TPRG1: variants seen among roughly 807,000 people sequenced by gnomAD.
The protein encoded by TPRG1 is tumor protein p63 regulated 1.
A neutral mutation model predicts 29.3 loss-of-function variants in TPRG1; 29 were observed. The ratio of observed to expected loss-of-function variants is 0.99; its 90% CI spans 0.74 to 1.35. The LOEUF (loss-of-function observed/expected upper bound fraction) is 1.35. TPRG1 is among the 40% of genes most tolerant of loss of function. The pLI is 0.00. For missense variants in TPRG1, 327 were observed against 335.0 expected (o/e 0.98, Z 0.19); for synonymous variants, 130 against 116.8 (o/e 1.11, Z -0.73).
At chr3:189,031,565 G>A (rs778560714) in intron 4 of TPRG1, among the ~76,000 whole-genome samples, 2 of 152,076 alleles carry the variant, frequency 1.3e-5, no homozygotes, top group Non-Finnish European at 2.9e-5. Context: ...TTCTCTTTCT[G>A]TTGTGGCTAT....
intron 4 of TPRG1, among the ~76,000 whole-genome samples, chr3:189,055,412 G>A (rs969484411): frequency 6.6e-6 from 1 of 152,150 alleles, no homozygotes; most frequent in East Asian, 1.9e-4. Flanking sequence ...GTCAGAGTAC[G>A]CTATCAACCA....
At chr3:189,044,655 C>T (rs1241472681) in intron 4 of TPRG1, among the ~76,000 whole-genome samples, 1 of 151,852 alleles carries the variant, frequency 6.6e-6, no homozygotes, top group Non-Finnish European at 1.5e-5. Flanking sequence ...TTAAGAAGAG[C>T]ATAAGCAAGG....
At chr3:189,115,307 G>A (rs571554487) in intron 1 of TPRG1, among the ~76,000 whole-genome samples, 5 of 152,184 alleles carry the variant, frequency 3.3e-5, no homozygotes, top group East Asian at 1.9e-4. Context: ...ACATATTGGC[G>A]CATGGACTGG....
At chr3:189,292,387 ACAGTAC>A (rs1719167391) in intron 4 of TPRG1, among the ~76,000 whole-genome samples, 1 of 151,668 alleles carries the variant, frequency 6.6e-6, no homozygotes, top group South Asian at 2.1e-4. Context: ...TAGGTTATCA[ACAGTAC>A]CACCCTTTGG....
intron 1 of TPRG1, among the ~76,000 whole-genome samples, chr3:189,193,432 C>T (rs534144610): frequency 6.6e-6 from 1 of 151,872 alleles, no homozygotes; most frequent in Non-Finnish European, 1.5e-5. Flanking sequence ...TTTTTGCTTC[C>T]CAGATTTAAA....
intron 4 of TPRG1, among the ~76,000 whole-genome samples, chr3:189,266,595 A>G (rs776537902): frequency 1.3e-5 from 2 of 152,150 alleles, no homozygotes; most frequent in African/African-American, 2.4e-5. Flanking sequence ...CACATGTGAA[A>G]ATGCTCATAG....
intron 4 of TPRG1, among the ~76,000 whole-genome samples, chr3:189,082,580 G>A (rs1020166986): frequency 6.6e-6 from 1 of 152,142 alleles, no homozygotes; most frequent in Non-Finnish European, 1.5e-5. Flanking sequence ...CCAAGTCCAA[G>A]TCAAGATTTG....
chr3:189,228,455 C>G (rs538553657), intron 3 of TPRG1, among the ~76,000 whole-genome samples: 1 of 152,124 alleles, frequency 6.6e-6, no homozygotes, highest in East Asian at 1.9e-4. Context: ...TCTAGGCATG[C>G]AAGGCAGGTT....
chr3:189,134,084 G>A (rs2108541822), intron 3 of TPRG1, among the ~76,000 whole-genome samples: 1 of 152,196 alleles, frequency 6.6e-6, no homozygotes, highest in Middle Eastern at 3.4e-3. Context: ...CCATTGTATG[G>A]TTTGTTTCCA....
At chr3:189,151,051 G>A (rs1027422633) in intron 5 of TPRG1, 1 of 152,106 alleles carries the variant, frequency 6.6e-6, no homozygotes, top group African/African-American at 2.4e-5. Flanking sequence ...TTTGTCACAG[G>A]TACCCCCCAA....
Position 189,219,632 on chromosome 3 carries a change from G to A in TPRG1, c.302+4249G>A, listed in dbSNP as rs1056741024. ...CACTTTATGGAATTTCAAAAAGTAT[G>A]ATATGATGGCAATAAAGTGGCTCTT... On this transcript the variant is annotated intron_variant, in intron 3 of 5. Transcript: ENST00000345063. 2.3e-6 allele frequency: 3 copies of A among 1,288,944 alleles called. No homozygotes were observed. In the African/African-American group the frequency reaches 4.6e-5, roughly 20 times the overall value. 79.8% of individuals were successfully genotyped at this position (1,288,944 alleles called of 1,614,324 possible). A position where few individuals can be genotyped will look rare whatever the true frequency, so the allele number is the denominator to read the frequency against.
intron 4 of TPRG1, among the ~76,000 whole-genome samples, chr3:189,277,942 A>G (rs1716446949): frequency 6.6e-6 from 1 of 152,194 alleles, no homozygotes; most frequent in African/African-American, 2.4e-5. Flanking sequence ...AATCTGATTC[A>G]TCAGTGCTTC....
At chr3:189,275,370 G>A (rs1233327477) in intron 4 of TPRG1, among the ~76,000 whole-genome samples, 1 of 152,132 alleles carries the variant, frequency 6.6e-6, no homozygotes, top group Admixed American at 6.6e-5. Flanking sequence ...TATATATACA[G>A]CTATATTATA....
chr3:189,096,570 G>A (rs1423898798), upstream of TPRG1, among the ~76,000 whole-genome samples: 1 of 152,138 alleles, frequency 6.6e-6, no homozygotes, highest in Non-Finnish European at 1.5e-5. Context: ...TTGGCTTCAG[G>A]ACTCCTTTGT....
Position 189,320,726 on chromosome 3 carries a change from C to T in TPRG1, c.734C>T (p.Pro245Leu), listed in dbSNP as rs779287786. 1.5e-5 allele frequency: 24 copies of T among 1,612,130 alleles called. No homozygotes were observed. The East Asian group carries it at 4.2e-4, about 29-fold the overall frequency. Residue 245 changes from proline to leucine, a missense_variant, in exon 6 of 6, where the codon CCC (proline) becomes CTC (leucine). By Grantham distance (98) the Pro-to-Leu change is moderately conservative (BLOSUM62 -3). Transcript: ENST00000345063. ...AAGAAACTGATGGTGTTAACTGAACCCATTTTGATTGAGACCTACACAGGG... is the reference window on the plus strand; with the variant it reads ...AAGAAACTGATGGTGTTAACTGAACTCATTTTGATTGAGACCTACACAGGG... ...RGKKLMVLTEPILIETYTGLM... is the reference protein window; with the variant it reads ...RGKKLMVLTELILIETYTGLM...
chr3:189,270,251 G>T (rs1309616352), intron 4 of TPRG1, among the ~76,000 whole-genome samples: 1 of 151,794 alleles, frequency 6.6e-6, no homozygotes, highest in Non-Finnish European at 1.5e-5. Flanking sequence ...GAGGGAACAT[G>T]CCTGGATATC....
At chr3:189,032,591 TTTTC>T (rs1446341772) in intron 4 of TPRG1, among the ~76,000 whole-genome samples, 4 of 148,458 alleles carry the variant, frequency 2.7e-5, no homozygotes, top group African/African-American at 7.9e-5. Flanking sequence ...TCTCCTTTTT[TTTTC>T]TTTTTTTTTA....
At chr3:189,280,801 T>C (rs1001453702) in intron 4 of TPRG1, among the ~76,000 whole-genome samples, 1 of 152,230 alleles carries the variant, frequency 6.6e-6, no homozygotes, top group African/African-American at 2.4e-5. Flanking sequence ...ATCTGCATCA[T>C]AGCGTTGTAT....
Position 189,310,495 on chromosome 3 carries a change from C to A in TPRG1, c.589C>A (p.His197Asn), listed in dbSNP as rs767969553. 14 of 1,612,216 alleles carry A rather than the reference C, an allele frequency of 8.7e-6. No individual in the cohort carries two copies. In the East Asian group the frequency reaches 3.1e-4, roughly 36 times the overall value. ...TEVPYATFTE[H>N]PMKYTSEKFL... ...AGTTCCTTATGCTACTTTCACTGAG[C>A]ATCCTATGAAATACACCAGTGAGAA... The change falls in exon 5 of 6, where the codon CAT becomes AAT. Residue 197 changes from histidine (H) to asparagine (N), a missense_variant. His to Asn is a moderately conservative substitution (Grantham distance 68). Coordinates refer to ENST00000345063, the MANE Select transcript of TPRG1 (RefSeq NM_198485.4).
Sources: allele counts gnomAD v4.1 joint callset (sites outside exome capture counted in the v4.1 genomes callset), GRCh38; gene constraint gnomAD v4.1.1; transcripts MANE v1.5; gene names NCBI Gene and HGNC (gene_info 2026-07-23, HGNC 2026-07-21).